The following MPP3 variants were observed in gnomAD, a reference collection of about 807,000 sequenced individuals.
The protein encoded by MPP3 is MAGUK p55 scaffold protein 3.
In MPP3, 48 loss-of-function variants were observed where a neutral mutation model predicts 80.7. That is an observed-to-expected ratio of 0.59 (90% confidence interval 0.47 to 0.76). The LOEUF is 0.76. Ranked by LOEUF, MPP3 falls within the 30% of genes least tolerant of loss-of-function variation. MPP3 has a pLI of 0.00. For missense variants in MPP3, 620 were observed against 763.0 expected (o/e 0.81, Z 2.21); for synonymous variants, 311 against 297.6 (o/e 1.04, Z -0.46).
At position 43,829,728 on chromosome 17, in the gene MPP3, G is replaced by A. The variant is rs757949736; in HGVS notation, c.367C>T (p.Pro123Ser). ...KNFDPVLPPL[P>S]DNIDEDFDEE... ...TCAAAATCCTCATCGATATTGTCAG[G>A]CAGAGGCGGGAGAACGGGGTCAAAA... The change falls in exon 7 of 20, where the codon CCT becomes TCT. Residue 123 changes from proline (P) to serine (S), a missense_variant. Coordinates refer to ENST00000398389, the MANE Select transcript of MPP3 (RefSeq NM_001932.6). 121 of 1,614,078 alleles carry A rather than the reference G, an allele frequency of 7.5e-5. 1 individual carries two copies. The South Asian group carries it at 1.1e-3, about 14-fold the overall frequency.
chr17:43,832,128 G>A (rs1471096060), intron 2 of MPP3, 185 bp from the exon 3 acceptor site: 2 of 601,422 alleles, frequency 3.3e-6, no homozygotes, highest in East Asian at 5.9e-5. Context: ...TGTCCTCGAT[G>A]TGCCAAGCAT....
Position 43,811,148 on chromosome 17 carries a change from G to A in MPP3, c.1313C>T (p.Ser438Phe). The A allele has an allele frequency of 6.2e-7, 1 of 1,614,194 alleles. No homozygotes were observed. Among genetic ancestry groups the A allele is most frequent in the Non-Finnish European group, 8.5e-7 (1 of 1,180,008 alleles). ...TAAGTCGGCCTCAAATGCTTGCTTA[G>A]ACACAAAGTGATATTCCACTCCTTC... Reference protein sequence around the residue: ...EKEGVEYHFVSKQAFEADLHH... With the variant: ...EKEGVEYHFVFKQAFEADLHH... The change falls in exon 17 of 20, where the codon TCT (serine) becomes TTT (phenylalanine). Residue 438 changes from serine to phenylalanine, a missense_variant. Transcript: ENST00000398389.
chr17:43,813,928 T>A, intron 16 of MPP3, 83 bp downstream of exon 16: 2 of 1,158,840 alleles, frequency 1.7e-6, no homozygotes, highest in East Asian at 4.9e-5. Flanking sequence ...AAGTAAGGAT[T>A]TGGATGGATC....
intron 8 of MPP3, among the ~76,000 whole-genome samples, chr17:43,827,041 A>G (rs145785061): frequency 0.2 from 29,759 of 151,272 alleles, 3,054 homozygotes; most frequent in Middle Eastern, 0.21. Flanking sequence ...TTGAGACGGA[A>G]TTTCACTCTT....
rs944735784 is a variant in MPP3, at chr17:43,832,528, C to G, written c.-38+233G>C. Among the ~76,000 whole-genome samples the G allele has an allele frequency of 4.5e-4, 68 of 152,330 alleles. 1 individual carries two copies. The highest frequency in any genetic ancestry group is 1.6e-3 in the African/African-American group (65 of 41,576). On this transcript the variant is annotated intron_variant, in intron 2 of 19. Transcript: ENST00000398389. Reference sequence around the variant, plus strand: ...GGGGGAAATGGGAGTCGGGCTTCCACTATGCAGGAGGGGGGACCCCTATCT... The same window carrying G: ...GGGGGAAATGGGAGTCGGGCTTCCAGTATGCAGGAGGGGGGACCCCTATCT...
At chr17:43,814,858 T>A (rs2045039191) in intron 14 of MPP3, among the ~76,000 whole-genome samples, 1 of 152,078 alleles carries the variant, frequency 6.6e-6, no homozygotes, top group African/African-American at 2.4e-5. Flanking sequence ...AGATTTAGGG[T>A]TAAAGGGACA....
chr17:43,826,907 CT>C (rs2045728687), intron 8 of MPP3, among the ~76,000 whole-genome samples: 1 of 151,050 alleles, frequency 6.6e-6, no homozygotes, highest in South Asian at 2.1e-4. Context: ...GTAATCACGG[CT>C]CACTGCAACC....
intron 14 of MPP3, among the ~76,000 whole-genome samples, chr17:43,815,039 A>G (rs1384846850): frequency 6.6e-6 from 1 of 152,216 alleles, no homozygotes; most frequent in Admixed American, 6.5e-5. Flanking sequence ...TTACTTCAGG[A>G]CAAAAGTTAA....
chr17:43,821,471 C>T (rs2045458955), intron 10 of MPP3, among the ~76,000 whole-genome samples: 1 of 152,194 alleles, frequency 6.6e-6, no homozygotes, highest in Non-Finnish European at 1.5e-5. Flanking sequence ...AGGCAGCAGC[C>T]ATCTGTTATA....
At chr17:43,827,320 TTTTTTTTTC>T (rs1327539776) in intron 8 of MPP3, among the ~76,000 whole-genome samples, 1 of 142,786 alleles carries the variant, frequency 7.0e-6, no homozygotes, top group African/African-American at 2.6e-5. Context: ...CTGGCTTTTT[TTTTTTTTTC>T]TTTTTTTTTT....
At chr17:43,822,516 C>T (rs1028338117) in intron 10 of MPP3, among the ~76,000 whole-genome samples, 4 of 151,856 alleles carry the variant, frequency 2.6e-5, no homozygotes, top group African/African-American at 9.7e-5. Context: ...TCTATCTCAT[C>T]AACCACCATC....
intron 9 of MPP3, among the ~76,000 whole-genome samples, 198 bp from the exon 10 acceptor site, chr17:43,824,203 AT>A (rs2045591688): frequency 6.6e-6 from 1 of 152,138 alleles, no homozygotes; most frequent in African/African-American, 2.4e-5. Context: ...ACATTTTTGT[AT>A]TTTTTAGTAT....
At chr17:43,801,903 A>G in intron 19 of MPP3, 26 bp from the exon 20 acceptor site, 1 of 1,603,530 alleles carries the variant, frequency 6.2e-7, no homozygotes. Context: ...TGGTAAAAGG[A>G]GCAACTGGGT....
chr17:43,825,628 G>A (rs1162533761), intron 9 of MPP3, 128 bp downstream of exon 9: 1 of 673,364 alleles, frequency 1.5e-6, no homozygotes, highest in Non-Finnish European at 2.7e-6. Flanking sequence ...CACACCATAA[G>A]GCCACTTTGC....
chr17:43,826,831 T>TATATATATATATATATATATA (rs57570654), intron 8 of MPP3, among the ~76,000 whole-genome samples: 7 of 118,526 alleles, frequency 5.9e-5, no homozygotes, highest in African/African-American at 2.0e-4. Flanking sequence ...TATATATATA[T>TATATATATATATATATATATA]TTTTTTTTTT....
intron 19 of MPP3, among the ~76,000 whole-genome samples, chr17:43,804,095 CT>C: frequency 6.6e-6 from 1 of 152,282 alleles, no homozygotes. Flanking sequence ...AGGAAGCTGC[CT>C]CTTATTCTCC....
At chr17:43,831,480 C>A in intron 4 of MPP3, 79 bp downstream of exon 4, 1 of 1,332,386 alleles carries the variant, frequency 7.5e-7, no homozygotes, top group South Asian at 1.2e-5. Flanking sequence ...AGGGAGATGA[C>A]TAGGATGACC....
At chr17:43,830,186 G>A in intron 5 of MPP3, 79 bp from the exon 6 acceptor site, 2 of 1,083,744 alleles carry the variant, frequency 1.8e-6, no homozygotes, top group South Asian at 3.8e-5. Flanking sequence ...CTCTTTGGAA[G>A]GGCCCACCCA....
intron 19 of MPP3, among the ~76,000 whole-genome samples, chr17:43,804,073 G>A (rs2044517750): frequency 6.6e-6 from 1 of 152,144 alleles, no homozygotes; most frequent in Non-Finnish European, 1.5e-5. Context: ...TGATGATTTG[G>A]CCTTGAGTCC....
Sources: gnomAD v4.1 joint callset for allele counts (sites outside exome capture counted in the v4.1 genomes callset) on GRCh38, gnomAD v4.1.1 for gene constraint, MANE v1.5 for transcripts, NCBI Gene and HGNC (gene_info 2026-07-23, HGNC 2026-07-21) for gene names.